Variants in ATP9A observed in about 807,000 individuals in gnomAD.
The protein encoded by ATP9A is ATPase phospholipid transporting 9A.
A neutral mutation model predicts 144.1 loss-of-function variants in ATP9A; 52 were observed. The observed-to-expected ratio is 0.36, with a 90% CI of 0.29 to 0.45. ATP9A has a LOEUF of 0.45. ATP9A is among the 20% of genes least tolerant of loss of function. The pLI is 1.00. For missense variants in ATP9A, 947 were observed against 1,392.7 expected (o/e 0.68, Z 5.09); for synonymous variants, 582 against 557.4 (o/e 1.04, Z -0.62).
At chr20:51,674,488 C>CG (rs1399405006) in intron 10 of ATP9A, among the ~76,000 whole-genome samples, 175 bp from the exon 11 acceptor site, 1 of 152,138 alleles carries the variant, frequency 6.6e-6, no homozygotes, top group African/African-American at 2.4e-5. Flanking sequence ...TGGGATCCAT[C>CG]GATCCTCATA....
chr20:51,719,164 T>C (rs1037647088), intron 3 of ATP9A, among the ~76,000 whole-genome samples: 1 of 148,922 alleles, frequency 6.7e-6, no homozygotes. Context: ...GCTTGAGAGA[T>C]GGGGTCTGGA....
chr20:51,761,610 AT>A (rs1298247118), intron 1 of ATP9A, among the ~76,000 whole-genome samples: 1 of 152,088 alleles, frequency 6.6e-6, no homozygotes, highest in African/African-American at 2.4e-5. Context: ...AATACAAAAA[AT>A]TAGCCGAGCG....
At chr20:51,768,193 T>TGGCGCCG in intron 1 of ATP9A, 109 bp downstream of exon 1, 1 of 597,480 alleles carries the variant, frequency 1.7e-6, no homozygotes, top group Non-Finnish European at 2.3e-6. Flanking sequence ...CCCAGGCTCA[T>TGGCGCCG]GGCGCCGGGC....
intron 27 of ATP9A, among the ~76,000 whole-genome samples, chr20:51,601,735 G>A (rs1370005595): frequency 1.3e-5 from 2 of 152,016 alleles, no homozygotes; most frequent in Non-Finnish European, 2.9e-5. Flanking sequence ...GCAAAACCCT[G>A]TCTCTACAAA....
chr20:51,630,263 G>A (rs550152296), intron 15 of ATP9A, among the ~76,000 whole-genome samples: 39 of 152,310 alleles, frequency 2.6e-4, no homozygotes, highest in Non-Finnish European at 4.1e-4. Context: ...AATGATTCGC[G>A]TCACTGGGAG....
rs1478090701 is a variant in ATP9A, at chr20:51,717,949, C to CA, written c.328-4876dup. ...AGCCTGGGTGACAGAGACTCCGTCT[C>CA]AAAAAAAAAAAAAAGAAAGAAAGAA... On this transcript the variant is annotated intron_variant, in intron 3 of 27. Coordinates refer to ENST00000338821, the MANE Select transcript of ATP9A (RefSeq NM_006045.3). Among the ~76,000 whole-genome samples, 825 of 113,906 alleles carry CA rather than the reference C, an allele frequency of 7.2e-3. 2 individuals carry two copies. Among genetic ancestry groups the CA allele is most frequent in the African/African-American group, 0.018 (551 of 30,822 alleles). The allele number at this position is 113,906 out of a possible 152,430, so 74.7% of individuals were successfully genotyped here. A position where few individuals can be genotyped will look rare whatever the true frequency, so the allele number is the denominator to read the frequency against.
In ATP9A at chr20:51,760,957, G is replaced by C. The variant is rs112396351; in HGVS notation, c.68+7345C>G. 6.8e-3 allele frequency among the ~76,000 whole-genome samples: 1,040 copies of C among 152,166 alleles called. 8 individuals are homozygous for C. The highest frequency in any genetic ancestry group is 0.023 in the African/African-American group (967 of 41,506). ...AGCAGAGAATTGCTTAAACCCAGGAGGCAGAGGTTGCAGTGAGCCGAGACT... is the reference window on the plus strand; with the variant it reads ...AGCAGAGAATTGCTTAAACCCAGGACGCAGAGGTTGCAGTGAGCCGAGACT... On this transcript the variant is annotated intron_variant, in intron 1 of 27. Transcript: ENST00000338821.
In ATP9A at chr20:51,611,715, C is replaced by T. The variant is rs189316388; in HGVS notation, c.2572-1550G>A. On this transcript the variant is annotated intron_variant, in intron 23 of 27. Transcript: ENST00000338821. This position sits in a 1 kb window ranked among gnomAD's most constrained non-coding sequence, Gnocchi z 4.2. ...CAGCTTTTGTGTATGAGTCCAAGGA[C>T]GGGCTGATTAATCTCCCAATCATTA... Among the ~76,000 whole-genome samples, 905 of 152,310 alleles carry T rather than the reference C, an allele frequency of 5.9e-3. 4 individuals carry two copies. The highest frequency in any genetic ancestry group is 0.027 in the Middle Eastern group (8 of 294).
At chr20:51,674,869 C>G (rs1288272248) in intron 10 of ATP9A, among the ~76,000 whole-genome samples, 1 of 152,150 alleles carries the variant, frequency 6.6e-6, no homozygotes, top group Non-Finnish European at 1.5e-5. Flanking sequence ...GTCACCCAGG[C>G]TGGAATGCAA....
At chr20:51,604,764 G>A (rs2077156593) in intron 27 of ATP9A, 53 bp downstream of exon 27, 2 of 1,409,694 alleles carry the variant, frequency 1.4e-6, no homozygotes, top group East Asian at 2.7e-5. Flanking sequence ...TGAGACCTCT[G>A]GGCCAGATTC....
intron 4 of ATP9A, among the ~76,000 whole-genome samples, chr20:51,702,353 GGTGTGTGTGTTC>G (rs1313771631): frequency 3.7e-4 from 49 of 132,592 alleles, no homozygotes; most frequent in Non-Finnish European, 6.0e-4. Flanking sequence ...CATGCTTCAT[GGTGTGTGTGTTC>G]GTGTGTGTGT....
chr20:51,627,505 T>G, intron 17 of ATP9A, 95 bp downstream of exon 17: 1 of 1,148,234 alleles, frequency 8.7e-7, no homozygotes. Flanking sequence ...AGAAATGACA[T>G]CAGAATGGCT....
At chr20:51,609,908 T>C (rs2077178486) in intron 24 of ATP9A, among the ~76,000 whole-genome samples, 193 bp downstream of exon 24, 1 of 152,204 alleles carries the variant, frequency 6.6e-6, no homozygotes. Context: ...CTCCATCTGG[T>C]TAAGGGCTTA....
chr20:51,751,622 G>A (rs568572223), intron 1 of ATP9A, among the ~76,000 whole-genome samples: 7 of 151,230 alleles, frequency 4.6e-5, no homozygotes, highest in African/African-American at 1.5e-4. Context: ...ACAGAGTCTC[G>A]CTCTCCCCAG....
chr20:51,646,484 A>T (rs2077342825), intron 14 of ATP9A, among the ~76,000 whole-genome samples: 1 of 152,200 alleles, frequency 6.6e-6, no homozygotes, highest in African/African-American at 2.4e-5. Context: ...CTATCCACAG[A>T]CACACGGTTT....
At chr20:51,711,436 C>T (rs1486560195) in intron 4 of ATP9A, among the ~76,000 whole-genome samples, 1 of 152,158 alleles carries the variant, frequency 6.6e-6, no homozygotes, top group Non-Finnish European at 1.5e-5. Flanking sequence ...AGCACTTAAA[C>T]AGCAGTTCAG....
intron 1 of ATP9A, among the ~76,000 whole-genome samples, chr20:51,749,441 T>C (rs2122900977): frequency 6.6e-6 from 1 of 152,064 alleles, no homozygotes; most frequent in Non-Finnish European, 1.5e-5. Context: ...AAGTTTGCTA[T>C]TTGTAGTAGA....
At chr20:51,719,402 A>G (rs536228834) in intron 3 of ATP9A, among the ~76,000 whole-genome samples, 1 of 152,282 alleles carries the variant, frequency 6.6e-6, no homozygotes, top group African/African-American at 2.4e-5. Flanking sequence ...ATTTTTAAAA[A>G]TGATTAAAAA....
At chr20:51,692,539 T>C (rs2077552942) in intron 7 of ATP9A, among the ~76,000 whole-genome samples, 2 of 152,088 alleles carry the variant, frequency 1.3e-5, no homozygotes, top group African/African-American at 4.8e-5. Context: ...TGGTGGCTCG[T>C]GCCTGTAACC....
Sources: gnomAD v4.1 joint callset for allele counts (sites outside exome capture counted in the v4.1 genomes callset) on GRCh38, gnomAD v4.1.1 for gene constraint, Gnocchi (gnomAD v3.1) non-coding constraint, MANE v1.5 for transcripts, NCBI Gene and HGNC (gene_info 2026-07-23, HGNC 2026-07-21) for gene names.